Variants in ATP2B3 observed in about 807,000 individuals in gnomAD.
ATP2B3 encodes the protein ATPase plasma membrane Ca2+ transporting 3, also known as plasma membrane calcium-transporting ATPase 3.
A neutral mutation model predicts 70.8 loss-of-function variants in ATP2B3; 12 were observed. That is an observed-to-expected ratio of 0.17 (90% confidence interval 0.11 to 0.27). The LOEUF is 0.27. Among genes scored for constraint, ATP2B3 ranks in the 10% least tolerant of loss-of-function variants. The pLI is 1.00. For missense variants in ATP2B3, 858 were observed against 1,118.5 expected (o/e 0.77, Z 3.32); for synonymous variants, 460 against 497.8 (o/e 0.92, Z 1.01).
At chrX:153,526,943 A>T (rs1312007818) in intron 2 of ATP2B3, among the ~76,000 whole-genome samples, 1 of 111,942 alleles carries the variant, frequency 8.9e-6, no homozygotes, top group Admixed American at 9.4e-5. Context: ...CCCTGCCAGG[A>T]TTCCTAATGG....
chrX:153,548,758 C>A lies in ATP2B3; in HGVS notation c.1242C>A (p.Phe414Leu). The change falls in exon 10 of 22, where the codon TTC becomes TTA. Residue 414 changes from phenylalanine (F) to leucine (L), a missense_variant. Physicochemically the swap from Phe to Leu is conservative, Grantham distance 22 (BLOSUM62 0). This residue lies in a region of ATP2B3 where 278 missense variants were observed against 366.2 expected (regional missense o/e 0.76). Transcript: ENST00000263519. ...AECTPVYVQYFVKFFIIGVTV... is the reference protein window; with the variant it reads ...AECTPVYVQYLVKFFIIGVTV... The stretch of plus-strand genomic sequence containing the variant: ...GCACGCCGGTCTATGTACAATACTT[C>A]GTGAAGTTCTTCATCATTGGTGTCA... 1 of 1,211,767 alleles carries A rather than the reference C, an allele frequency of 8.3e-7. No individual in the cohort carries two copies. Among genetic ancestry groups the A allele is most frequent in the Non-Finnish European group, 1.1e-6 (1 of 895,495 alleles).
At chrX:153,562,825 A>G (rs1427105025) in intron 20 of ATP2B3, among the ~76,000 whole-genome samples, 1 of 112,308 alleles carries the variant, frequency 8.9e-6, no homozygotes, top group Non-Finnish European at 1.9e-5. Context: ...GACAACAGAC[A>G]CTTACTTTCT....
intron 2 of ATP2B3, among the ~76,000 whole-genome samples, chrX:153,520,056 C>T (rs1264652324): frequency 1.0e-5 from 1 of 98,729 alleles, no homozygotes; most frequent in Admixed American, 1.1e-4. Flanking sequence ...GGCCAAGTCC[C>T]TTCTCCATTC....
chrX:153,574,818 C>T (rs1557020859), intron 21 of ATP2B3: 1 of 331,132 alleles, frequency 3.0e-6, no homozygotes, highest in South Asian at 2.6e-5. Flanking sequence ...CTCCAGCTGG[C>T]CGGCAGTGGC....
rs1557016071 is a variant in ATP2B3, at chrX:153,560,867, T to A, written c.3031T>A (p.Leu1011Met). 1 of 1,211,705 alleles carries A rather than the reference T, an allele frequency of 8.3e-7. No homozygotes were observed. The highest frequency in any genetic ancestry group is 1.1e-6 in the Non-Finnish European group (1 of 895,433). Residue 1011 changes from leucine (L) to methionine (M), a missense_variant, in exon 19 of 22, where the codon TTG (leucine) becomes ATG (methionine). By Grantham distance (15) the Leu-to-Met change is conservative. Transcript: ENST00000263519. ...CAACCCCATCTTCTGCACCATCGTT[T>A]TGGGCACTTTCGGGATTCAGGTAGG... is the stretch of plus-strand genomic sequence containing the variant. The part of the protein sequence containing the change: ...FSNPIFCTIV[L>M]GTFGIQIVIV...
intron 19 of ATP2B3, among the ~76,000 whole-genome samples, chrX:153,561,852 C>T (rs1318262445): frequency 1.8e-5 from 2 of 112,765 alleles, no homozygotes; most frequent in Non-Finnish European, 3.8e-5. Context: ...CCAGCGTGCC[C>T]GCAGGGTGGG....
intron 3 of ATP2B3, among the ~76,000 whole-genome samples, chrX:153,536,900 G>T (rs782661204): frequency 8.9e-6 from 1 of 112,175 alleles, no homozygotes; most frequent in Non-Finnish European, 1.9e-5. Flanking sequence ...GGGTGACCGG[G>T]GCCTCTCCTG....
At chrX:153,542,084 G>A (rs1557006848) in intron 5 of ATP2B3, among the ~76,000 whole-genome samples, 158 bp downstream of exon 5, 1 of 75,887 alleles carries the variant, frequency 1.3e-5, no homozygotes, top group Non-Finnish European at 2.2e-5. Flanking sequence ...GGGGAGGTGG[G>A]GGAACACGGG....
chrX:153,568,338 G>A (rs185395073), intron 21 of ATP2B3, among the ~76,000 whole-genome samples: 190 of 111,312 alleles, frequency 1.7e-3, no homozygotes, highest in Non-Finnish European at 2.6e-3. Flanking sequence ...GGGTGGTGGC[G>A]ACTGTGGTAT....
intron 17 of ATP2B3, chrX:153,559,333 C>G (rs782738609): frequency 4.9e-5 from 8 of 163,132 alleles, no homozygotes; most frequent in Non-Finnish European, 9.2e-5. Context: ...TGATTTTTAA[C>G]GAACAACTCA....
chrX:153,565,735 C>T (rs1490734407), intron 21 of ATP2B3, among the ~76,000 whole-genome samples: 3 of 112,445 alleles, frequency 2.7e-5, no homozygotes, highest in African/African-American at 9.7e-5. Flanking sequence ...CCATCTCCTC[C>T]CGGCCAACAG....
intron 21 of ATP2B3, chrX:153,569,528 C>A: frequency 8.8e-7 from 1 of 1,131,273 alleles, no homozygotes; most frequent in South Asian, 1.9e-5. Flanking sequence ...GGCCCCTATC[C>A]TCGCCCAGCC....
intron 1 of ATP2B3, among the ~76,000 whole-genome samples, 188 bp downstream of exon 1, chrX:153,518,063 G>A (rs2089902725): frequency 1.8e-5 from 2 of 111,075 alleles, no homozygotes; most frequent in Non-Finnish European, 3.8e-5. Flanking sequence ...CTGCGGCCGC[G>A]CGTCACCCCG....
intron 21 of ATP2B3, among the ~76,000 whole-genome samples, chrX:153,574,419 G>C (rs1176570003): frequency 8.9e-6 from 1 of 111,924 alleles, no homozygotes; most frequent in East Asian, 2.8e-4. Context: ...CTGAGCAGTG[G>C]ATAGGTAGGG....
intron 2 of ATP2B3, among the ~76,000 whole-genome samples, chrX:153,521,004 T>C (rs1369183351): frequency 8.8e-6 from 1 of 113,108 alleles, no homozygotes; most frequent in Non-Finnish European, 1.9e-5. Context: ...TCTGCATTCA[T>C]GGCCCCTTCA....
rs782461133 is a variant in ATP2B3 at position 153,564,969 on chromosome X, G to A, written c.3208G>A (p.Gly1070Arg). Residue 1070 changes from glycine (G) to arginine (R), a missense_variant, in exon 21 of 22, where the codon GGG becomes AGG. Physicochemically the swap from Gly to Arg is moderately radical, Grantham distance 125 (BLOSUM62 -2). Transcript: ENST00000263519. ...TSQLKCLKEA[G>R]HGPGKDEMTD... is the part of the protein sequence containing the mutation. ...CCAGCTCAAGTGCCTGAAGGAAGCC[G>A]GGCACGGGCCCGGGAAGGACGAGAT... The A allele has an allele frequency of 1.3e-5, 16 of 1,199,048 alleles. No homozygotes were observed. Among genetic ancestry groups the A allele is most frequent in the East Asian group, 3.0e-5 (1 of 33,240 alleles).
At chrX:153,551,290 G>T (rs1169213842) in intron 12 of ATP2B3, among the ~76,000 whole-genome samples, 1 of 112,118 alleles carries the variant, frequency 8.9e-6, no homozygotes, top group Non-Finnish European at 1.9e-5. Flanking sequence ...TCTCCTGGTG[G>T]TTTTGATCTG....
rs149141993 is a variant in ATP2B3 at position 153,570,071 on chromosome X, T to C, written c.3342+4968T>C. On this transcript the variant is annotated intron_variant, in intron 21 of 21. Transcript: ENST00000263519. ...ACTTGTCTGCCTTTGCCGATGGTTCTTCATGAACTTGGGCCGCTTCTGGGG... is the reference window on the plus strand; with the variant it reads ...ACTTGTCTGCCTTTGCCGATGGTTCCTCATGAACTTGGGCCGCTTCTGGGG... 1.7e-3 allele frequency: 614 copies of C among 366,697 alleles called. 2 individuals are homozygous for C. The highest frequency in any genetic ancestry group is 0.015 in the African/African-American group (561 of 38,637). 30.2% of individuals were successfully genotyped at this position (366,697 alleles called of 1,213,427 possible).
Position 153,541,850 on chromosome X carries a change from G to A in ATP2B3, c.588G>A (p.Thr196=), listed in dbSNP as rs150670223. 9.7e-4 allele frequency: 1,178 copies of A among 1,209,875 alleles called. 1 individual carries two copies. The highest frequency in any genetic ancestry group is 1.3e-3 in the Non-Finnish European group (1,132 of 895,182). Reference sequence around the variant, plus strand: ...GAATTGAGCAGGAGCAGAAGTTCACGGTCATCCGGAACGGGCAGCTCCTCC... The same window carrying A: ...GAATTGAGCAGGAGCAGAAGTTCACAGTCATCCGGAACGGGCAGCTCCTCC... The part of the protein sequence containing the change: ...QSRIEQEQKF[T]VIRNGQLLQV... The change falls in exon 5 of 22, where the codon ACG becomes ACA. Residue 196 remains threonine (T), a synonymous_variant. Transcript: ENST00000263519.
Sources: gnomAD v4.1 joint callset for allele counts (sites outside exome capture counted in the v4.1 genomes callset) on GRCh38, gnomAD v4.1.1 for gene constraint, gnomAD v4.1.1 regional missense constraint, MANE v1.5 for transcripts, NCBI Gene and HGNC (gene_info 2026-07-23, HGNC 2026-07-21) for gene names.